RBFOX1: variants seen among roughly 807,000 people sequenced by gnomAD.
The protein encoded by RBFOX1 is RNA binding protein fox-1 homolog 1.
Under a neutral mutation model 57.7 loss-of-function variants are expected in RBFOX1, and 8 were observed. That is an observed-to-expected ratio of 0.14 (90% CI 0.08 to 0.25). The LOEUF (loss-of-function observed/expected upper bound fraction) is 0.25. RBFOX1 is among the 10% of genes least tolerant of loss of function. The pLI is 1.00. For synonymous variants in RBFOX1, 326 were observed against 222.4 expected, an observed-to-expected ratio of 1.47 and a Z score of -4.15; for missense variants, 611 against 548.5, an observed-to-expected ratio of 1.11 and a Z score of -1.14.
At chr16:6,860,838 C>T (rs1213401445) in intron 3 of RBFOX1, among the ~76,000 whole-genome samples, 1 of 152,034 alleles carries the variant, frequency 6.6e-6, no homozygotes, top group Non-Finnish European at 1.5e-5. Context: ...TTTTTGGACA[C>T]AGTAAAATGT....
rs534318100 is a variant in RBFOX1 at position 7,344,920 on chromosome 16, G to A, written c.28-173227G>A. Among the ~76,000 whole-genome samples the A allele has an allele frequency of 1.4e-4, 21 of 152,300 alleles. 1 individual carries two copies. The South Asian group carries it at 3.5e-3, about 26-fold the overall frequency. On this transcript the variant is annotated intron_variant, in intron 4 of 15. Coordinates refer to ENST00000550418, the MANE Select transcript of RBFOX1 (RefSeq NM_018723.4). Reference sequence around the variant, plus strand: ...AAGGCTAATGCGATATTGTGCCGCTGTCATTTCTGATCAGTTTTTCCCCCA... The same window carrying A: ...AAGGCTAATGCGATATTGTGCCGCTATCATTTCTGATCAGTTTTTCCCCCA...
intron 3 of RBFOX1, among the ~76,000 whole-genome samples, chr16:7,043,342 A>G (rs534335401): frequency 6.6e-6 from 1 of 152,280 alleles, no homozygotes; most frequent in Admixed American, 6.5e-5. Flanking sequence ...TTTTTTAAAT[A>G]AAATGTACAA....
At chr16:6,617,303 G>A (rs2098157423) in intron 2 of RBFOX1, among the ~76,000 whole-genome samples, 1 of 151,960 alleles carries the variant, frequency 6.6e-6, no homozygotes, top group South Asian at 2.1e-4. Context: ...TTCCTGCTTG[G>A]AGGTCTACAA....
chr16:6,286,054 A>G (rs1471591236), intron 1 of RBFOX1, among the ~76,000 whole-genome samples: 1 of 152,144 alleles, frequency 6.6e-6, no homozygotes, highest in Non-Finnish European at 1.5e-5. Flanking sequence ...ATTATACACC[A>G]TTTTGGCACT....
At chr16:5,251,535 C>A (rs537790014) in intron 1 of RBFOX1, among the ~76,000 whole-genome samples, 1 of 152,164 alleles carries the variant, frequency 6.6e-6, no homozygotes, top group South Asian at 2.1e-4. Context: ...GAGACTGGGG[C>A]AATGGCAGCA....
At chr16:5,468,902 C>T (rs1444125864) in intron 2 of RBFOX1, among the ~76,000 whole-genome samples, 3 of 152,220 alleles carry the variant, frequency 2.0e-5, no homozygotes, top group Non-Finnish European at 4.4e-5. Context: ...CACTTGGCTT[C>T]CCGCCCCGTC....
chr16:6,699,187 A>G (rs910586272), intron 3 of RBFOX1, among the ~76,000 whole-genome samples: 3 of 152,128 alleles, frequency 2.0e-5, no homozygotes, highest in African/African-American at 4.8e-5. Flanking sequence ...AACCATTTTT[A>G]TCAGTATGCA....
intron 4 of RBFOX1, among the ~76,000 whole-genome samples, chr16:7,441,234 C>T (rs1245615049): frequency 1.3e-5 from 2 of 152,168 alleles, no homozygotes; most frequent in Non-Finnish European, 2.9e-5. Context: ...TCTGAAAGCT[C>T]TGCAAGGCTA....
intron 4 of RBFOX1, among the ~76,000 whole-genome samples, chr16:7,338,534 A>G (rs867691990): frequency 6.6e-6 from 1 of 152,126 alleles, no homozygotes; most frequent in African/African-American, 2.4e-5. Context: ...AACTACAGAC[A>G]TGTACCACTA....
chr16:7,594,610 G>T (rs976098179), intron 7 of RBFOX1, among the ~76,000 whole-genome samples: 1 of 152,174 alleles, frequency 6.6e-6, no homozygotes, highest in Non-Finnish European at 1.5e-5. Context: ...AAAAGCCAAT[G>T]TACCTGTGGT....
intron 3 of RBFOX1, among the ~76,000 whole-genome samples, chr16:6,733,381 G>T (rs989456557): frequency 5.3e-5 from 8 of 152,154 alleles, no homozygotes; most frequent in African/African-American, 1.9e-4. Context: ...GTACACCCAT[G>T]TGTCAGAGCA....
chr16:7,026,609 A>G (rs1283123179), intron 3 of RBFOX1, among the ~76,000 whole-genome samples: 1 of 152,090 alleles, frequency 6.6e-6, no homozygotes, highest in Non-Finnish European at 1.5e-5. Flanking sequence ...ACAGAGGTGC[A>G]GGGAAGGAGG....
chr16:5,749,621 T>A (rs887723858), intron 3 of RBFOX1, among the ~76,000 whole-genome samples: 8 of 152,234 alleles, frequency 5.3e-5, no homozygotes, highest in Non-Finnish European at 8.8e-5. Flanking sequence ...TCATTTGATC[T>A]TCAATCACTG....
intron 4 of RBFOX1, among the ~76,000 whole-genome samples, chr16:5,933,422 G>A (rs867589052): frequency 6.6e-6 from 1 of 152,160 alleles, no homozygotes; most frequent in Non-Finnish European, 1.5e-5. Context: ...GAGTGGCTCC[G>A]ACATGTCAGC....
intron 2 of RBFOX1, among the ~76,000 whole-genome samples, chr16:5,501,086 T>C (rs1038272139): frequency 2.7e-4 from 41 of 151,892 alleles, no homozygotes; most frequent in Middle Eastern, 3.4e-3. Context: ...GAGGCCGAGG[T>C]GGGCGGGTCA....
chr16:6,278,021 T>C (rs2160166), intron 1 of RBFOX1, among the ~76,000 whole-genome samples: 111,587 of 151,906 alleles, frequency 0.73, 41,829 homozygotes, highest in East Asian at 0.95. Flanking sequence ...CGAATTAAAA[T>C]GTGAAGTTCC....
intron 3 of RBFOX1, among the ~76,000 whole-genome samples, chr16:5,807,974 C>T (rs533566032): frequency 2.0e-5 from 3 of 152,294 alleles, no homozygotes; most frequent in African/African-American, 7.2e-5. Context: ...TTTCAATTTC[C>T]TCCTTCCTTC....
intron 3 of RBFOX1, among the ~76,000 whole-genome samples, chr16:6,982,953 C>T (rs117657167): frequency 0.038 from 4,846 of 127,262 alleles, 117 homozygotes; most frequent in Middle Eastern, 0.07. Flanking sequence ...AACATCATGC[C>T]ATTGTGCTCC....
intron 4 of RBFOX1, among the ~76,000 whole-genome samples, chr16:7,192,828 A>G (rs971248479): frequency 6.6e-6 from 1 of 152,234 alleles, no homozygotes; most frequent in Non-Finnish European, 1.5e-5. Context: ...AAATTGGAAC[A>G]TACAAAACAC....
Sources: gnomAD v4.1 joint callset for allele counts (sites outside exome capture counted in the v4.1 genomes callset) on GRCh38, gnomAD v4.1.1 for gene constraint, MANE v1.5 for transcripts, NCBI Gene and HGNC (gene_info 2026-07-23, HGNC 2026-07-21) for gene names.